TRIM49: variants seen among roughly 807,000 people sequenced by gnomAD.
TRIM49 encodes tripartite motif-containing protein 49.
In TRIM49, 5 loss-of-function variants were observed where a neutral mutation model predicts 27.4. The observed-to-expected ratio is 0.18, with a 90% CI of 0.10 to 0.38. The LOEUF (loss-of-function observed/expected upper bound fraction) is 0.38. Among genes scored for constraint, TRIM49 ranks in the 10% least tolerant of loss-of-function variants. The pLI is 1.00. For synonymous variants in TRIM49, 69 were observed against 166.0 expected, an observed-to-expected ratio of 0.42 and a Z score of 4.49; for missense variants, 188 against 487.5, an observed-to-expected ratio of 0.39 and a Z score of 5.79.
At chr11:89,803,911 G>T in intron 3 of TRIM49, 118 bp from the exon 4 acceptor site, 2 of 848,036 alleles carry the variant, frequency 2.4e-6, no homozygotes, top group Non-Finnish European at 3.7e-6. Context: ...CTTCATGTTT[G>T]TCAAAGCCCA....
At chr11:89,774,059 G>A in the TRIM49 span, among the ~76,000 whole-genome samples, 1 of 146,424 alleles carries the variant, frequency 6.8e-6, no homozygotes, top group Non-Finnish European at 1.5e-5. Context: ...GGAGTGCAGT[G>A]GTGCTATCTC....
At chr11:89,807,677 C>A (rs1796391246) in intron 1 of TRIM49, among the ~76,000 whole-genome samples, 1 of 151,034 alleles carries the variant, frequency 6.6e-6, no homozygotes, top group Non-Finnish European at 1.5e-5. Flanking sequence ...TTTAGGCTCA[C>A]ACTATATCAC....
At chr11:89,792,780 C>G (rs1386154665), downstream of TRIM49, among the ~76,000 whole-genome samples, 2 of 152,020 alleles carry the variant, frequency 1.3e-5, no homozygotes, top group African/African-American at 4.8e-5. Flanking sequence ...TAAATGCCCA[C>G]AAGAGAAAGC....
intron 3 of TRIM49, 21 bp downstream of exon 3, chr11:89,804,038 A>C (rs756371888): frequency 4.3e-6 from 7 of 1,609,262 alleles, no homozygotes; most frequent in African/African-American, 1.3e-5. Flanking sequence ...ACAGAAATCG[A>C]TCTTCAGAGC....
chr11:89,800,526 G>A (rs1233456515), intron 6 of TRIM49, among the ~76,000 whole-genome samples: 3 of 151,144 alleles, frequency 2.0e-5, no homozygotes, highest in African/African-American at 4.9e-5. Context: ...GGCGGATCAC[G>A]GGGTCAGGAG....
chr11:89,774,543 C>A, the TRIM49 span, among the ~76,000 whole-genome samples: 1 of 142,326 alleles, frequency 7.0e-6, no homozygotes, highest in Non-Finnish European at 1.5e-5. Flanking sequence ...AGTGAGGACC[C>A]ACTGGATTTG....
the TRIM49 span, among the ~76,000 whole-genome samples, chr11:89,769,365 C>T: frequency 1.5e-5 from 2 of 135,998 alleles, no homozygotes; most frequent in Non-Finnish European, 3.0e-5. Context: ...GTAATGATGG[C>T]AGGGCTTCAT....
In TRIM49 at chr11:89,804,192, C is replaced by T. The variant is rs1949765529; in HGVS notation, c.278G>A (p.Cys93Tyr). Reference protein sequence around the residue: ...WLFLSSEEQMCGTHRETKKIF... With the variant: ...WLFLSSEEQMYGTHRETKKIF... ...CTTCTTTGTCTCCCTGTGAGTGCCA[C>T]ACATTTGCTCCTCAGAGCTCAGGAA... Residue 93 changes from cysteine to tyrosine, a missense_variant, in exon 3 of 8, where the codon TGT becomes TAT. By Grantham distance (194) the Cys-to-Tyr change is radical (BLOSUM62 -2). Around this residue, in one of 6 missense-constraint regions of TRIM49, gnomAD observed 21 missense variants for 71.4 expected, o/e 0.29. Transcript: ENST00000329758. The T allele has an allele frequency of 6.8e-6, 11 of 1,607,680 alleles. No individual in the cohort carries two copies. The highest frequency in any genetic ancestry group is 8.5e-6 in the Non-Finnish European group (10 of 1,177,858).
the TRIM49 span, among the ~76,000 whole-genome samples, chr11:89,767,975 T>C: frequency 1.5e-5 from 2 of 137,774 alleles, no homozygotes; most frequent in Non-Finnish European, 3.0e-5. Flanking sequence ...CCCTTCTGCG[T>C]GTTTTACTTT....
At chr11:89,794,025 G>C (rs1443503890), downstream of TRIM49, among the ~76,000 whole-genome samples, 1 of 143,200 alleles carries the variant, frequency 7.0e-6, no homozygotes, top group Admixed American at 7.2e-5. Flanking sequence ...AAGCTGATAA[G>C]CAACTTCAGC....
rs923658568 is a variant in TRIM49, at chr11:89,808,498, A to T, written c.-252T>A. The stretch of plus-strand genomic sequence containing the variant: ...TGGGTACAGTCCATCAGGAAAAGAA[A>T]TCCCCCGCTGGCTGGATCCCAGTGG... On this transcript the variant is annotated 5_prime_UTR_variant, in exon 1 of 8. Transcript: ENST00000329758. The T allele has an allele frequency of 2.7e-5, 4 of 150,922 alleles. No individual in the cohort carries two copies. The highest frequency in any genetic ancestry group is 9.9e-5 in the African/African-American group (4 of 40,308). 9.3% of individuals were successfully genotyped at this position (150,922 alleles called of 1,614,324 possible). A position where few individuals can be genotyped will look rare whatever the true frequency, so the allele number is the denominator to read the frequency against.
chr11:89,790,280 C>A, the TRIM49 span, among the ~76,000 whole-genome samples: 1 of 139,962 alleles, frequency 7.1e-6, no homozygotes, highest in Non-Finnish European at 1.5e-5. Context: ...GGGTGGAGCC[C>A]ACTGCAGCTC....
chr11:89,774,140 A>G, the TRIM49 span, among the ~76,000 whole-genome samples: 1 of 149,884 alleles, frequency 6.7e-6, no homozygotes, highest in Non-Finnish European at 1.5e-5. Flanking sequence ...AGCTAGGATT[A>G]CAAGTGCCTG....
chr11:89,797,608 C>T (rs1949700770), downstream of TRIM49: 1 of 151,860 alleles, frequency 6.6e-6, no homozygotes, highest in South Asian at 2.1e-4. Context: ...TTATTTATAT[C>T]TGTGGTGAGA....
At chr11:89,781,986 A>G in the TRIM49 span, 1 of 1,529,906 alleles carries the variant, frequency 6.5e-7, no homozygotes. Flanking sequence ...GCTCCCACGG[A>G]TCCCCAGGGA....
intron 6 of TRIM49, among the ~76,000 whole-genome samples, chr11:89,800,452 C>T (rs1162406631): frequency 6.6e-6 from 1 of 151,596 alleles, no homozygotes; most frequent in Admixed American, 6.6e-5. Context: ...AGCAATAAAA[C>T]AAAATCAGGG....
chr11:89,793,976 T>A (rs1349883134), downstream of TRIM49, among the ~76,000 whole-genome samples: 1 of 149,484 alleles, frequency 6.7e-6, no homozygotes, highest in East Asian at 2.1e-4. Context: ...CACGATTGTA[T>A]GTTTAGAAAA....
At chr11:89,785,254 AAATAAATAAAT>A in the TRIM49 span, among the ~76,000 whole-genome samples, 13 of 145,294 alleles carry the variant, frequency 8.9e-5, 1 homozygote, top group African/African-American at 3.5e-4. Flanking sequence ...ATAAATAAAT[AAATAAATAAAT>A]AAAATCACCT....
In TRIM49 at chr11:89,805,067, A is replaced by T. The variant is rs553606023; in HGVS notation, c.-4-594T>A. Reference sequence around the variant, plus strand: ...AAAGACCCAAATCAAAACAAAATTTAAAAAAAAGCCAACCAACCAAATAAA... The same window carrying T: ...AAAGACCCAAATCAAAACAAAATTTTAAAAAAAGCCAACCAACCAAATAAA... On this transcript the variant is annotated intron_variant, in intron 2 of 7. Transcript: ENST00000329758. Among the ~76,000 whole-genome samples, 232 of 151,926 alleles carry T rather than the reference A, an allele frequency of 1.5e-3. 1 individual carries two copies. Among genetic ancestry groups the T allele is most frequent in the African/African-American group, 4.9e-3 (201 of 41,334 alleles).
Sources: gnomAD v4.1 joint callset for allele counts (sites outside exome capture counted in the v4.1 genomes callset) on GRCh38, gnomAD v4.1.1 for gene constraint, gnomAD v4.1.1 regional missense constraint, MANE v1.5 for transcripts, NCBI Gene and HGNC (gene_info 2026-07-23, HGNC 2026-07-21) for gene names.